Variants in CYP51A1 observed in about 807,000 individuals in gnomAD.
CYP51A1 encodes the protein cytochrome P450 family 51 subfamily A member 1.
In CYP51A1, 45 loss-of-function variants were observed where a neutral mutation model predicts 53.5. That is an observed-to-expected ratio of 0.84 (90% CI 0.66 to 1.08). CYP51A1 has a LOEUF of 1.08. Among genes scored for constraint, CYP51A1 ranks in the 50% least tolerant of loss-of-function variants. The probability of loss-of-function intolerance (pLI) is 0.00; values close to 1 mark genes in which losing one functional copy is unlikely to be tolerated. For synonymous variants in CYP51A1, 181 were observed against 217.7 expected (o/e 0.83, Z 1.48); for missense variants, 462 against 621.7 (o/e 0.74, Z 2.73).
At position 92,131,862 on chromosome 7, in the gene CYP51A1, G is replaced by A. The variant is rs1819927610; in HGVS notation, c.203C>T (p.Pro68Leu). Reference protein sequence around the residue: ...VQLPAGVKSPPYIFSPIPFLG... With the variant: ...VQLPAGVKSPLYIFSPIPFLG... ...GAATGGAATTGGGGAGAAAATGTAT[G>A]GAGGACTTTTCTACAAGAGAAAAAA... The change falls in exon 2 of 10, where the codon CCA becomes CTA. Residue 68 changes from proline to leucine, a missense_variant. By Grantham distance (98) the Pro-to-Leu change is moderately conservative. Coordinates refer to ENST00000003100, the MANE Select transcript of CYP51A1 (RefSeq NM_000786.4). 1.9e-6 allele frequency: 3 copies of A among 1,578,432 alleles called. No homozygotes were observed. The highest frequency in any genetic ancestry group is 2.6e-6 in the Non-Finnish European group (3 of 1,150,078).
chr7:92,127,810 T>C (rs1317845446), intron 3 of CYP51A1, among the ~76,000 whole-genome samples, 179 bp from the exon 4 acceptor site: 1 of 152,222 alleles, frequency 6.6e-6, no homozygotes, highest in Non-Finnish European at 1.5e-5. Flanking sequence ...GAATAGAGTC[T>C]AAATGAATAT....
intron 2 of CYP51A1, 61 bp from the exon 3 acceptor site, chr7:92,129,117 C>A: frequency 9.4e-7 from 1 of 1,069,042 alleles, no homozygotes; most frequent in Non-Finnish European, 1.3e-6. Flanking sequence ...ACGACAGTAA[C>A]TTTTTAAAAT....
chr7:92,128,625 C>T (rs188120095), intron 3 of CYP51A1, among the ~76,000 whole-genome samples: 7 of 152,002 alleles, frequency 4.6e-5, no homozygotes, highest in Admixed American at 3.9e-4. Flanking sequence ...CTGGAATTTA[C>T]AGGTGTGCAC....
intron 3 of CYP51A1, 59 bp downstream of exon 3, chr7:92,128,821 A>C: frequency 7.2e-7 from 1 of 1,381,532 alleles, no homozygotes; most frequent in Non-Finnish European, 1.0e-6. Flanking sequence ...ATGTCTCACT[A>C]TTAGCTATAA....
rs2301559 is a variant in CYP51A1 at position 92,117,413 on chromosome 7, T to C, written c.1183-201A>G. On this transcript the variant is annotated intron_variant, in intron 8 of 9. Transcript: ENST00000003100. Reference sequence around the variant, plus strand: ...ATAAATCAAGAACCATCTGTACATATATTTAAAAACTGGCTAGATAATAGG... The same window carrying C: ...ATAAATCAAGAACCATCTGTACATACATTTAAAAACTGGCTAGATAATAGG... The C allele has an allele frequency of 0.39, 169,814 of 431,970 alleles. 34,268 individuals are homozygous for C. The highest frequency in any genetic ancestry group is 0.46 in the African/African-American group (22,765 of 49,356). 26.8% of individuals were successfully genotyped at this position (431,970 alleles called of 1,614,324 possible). A position where few individuals can be genotyped will look rare whatever the true frequency, so the allele number is the denominator to read the frequency against.
chr7:92,113,433 G>T lies in CYP51A1; in HGVS notation c.*232C>A. ...CCCCCTCAACAATTGTTTCACCAAG[G>T]AACTTCCTGAAAGCACATGTATAAG... On this transcript the variant is annotated 3_prime_UTR_variant, in exon 10 of 10. Transcript: ENST00000003100. 2.4e-6 allele frequency: 1 copy of T among 424,390 alleles called. No individual in the cohort carries two copies. The highest frequency in any genetic ancestry group is 4.1e-6 in the Non-Finnish European group (1 of 241,450). The allele number at this position is 424,390 out of a possible 1,614,324, so 26.3% of individuals were successfully genotyped here.
At chr7:92,131,486 T>G (rs1052545552) in intron 2 of CYP51A1, among the ~76,000 whole-genome samples, 22 of 152,154 alleles carry the variant, frequency 1.4e-4, no homozygotes, top group Admixed American at 9.2e-4. Flanking sequence ...TTAATGACAA[T>G]AAGTGAATAG....
Position 92,118,523 on chromosome 7 carries a change from A to C in CYP51A1, c.1179T>G (p.Pro393=), listed in dbSNP as rs1819623196. The change falls in exon 8 of 10, where the codon CCT becomes CCG. Residue 393 remains proline, a synonymous_variant. Transcript: ENST00000003100. ...IMIMMRMART[P]QTVAGYTIPP... is the part of the protein sequence containing the mutation. ...AAGATGTAGCCAAGATACTCACCTGAGGAGTTCTGGCCATTCTCATCATGA... is the reference window on the plus strand; with the variant it reads ...AAGATGTAGCCAAGATACTCACCTGCGGAGTTCTGGCCATTCTCATCATGA... 1 of 1,538,760 alleles carries C rather than the reference A, an allele frequency of 6.5e-7. No individual in the cohort carries two copies. The highest frequency in any genetic ancestry group is 1.4e-5 in the African/African-American group (1 of 73,364).
At position 92,123,807 on chromosome 7, in the gene CYP51A1, C is replaced by G. The variant is rs1475710671; in HGVS notation, c.817G>C (p.Ala273Pro). Residue 273 changes from alanine (A) to proline (P), a missense_variant, in exon 6 of 10, where the codon GCA (alanine) becomes CCA (proline). By Grantham distance (27) the Ala-to-Pro change is conservative. Transcript: ENST00000003100. The stretch of plus-strand genomic sequence containing the variant: ...TGAGACTGTCTGCGTTTCTGGATTG[C>G]CTTATAGAAAATATCCTTGATTTCC... ...HREIKDIFYKAIQKRRQSQEK... is the reference protein window; with the variant it reads ...HREIKDIFYKPIQKRRQSQEK... 2 of 1,608,938 alleles carry G rather than the reference C, an allele frequency of 1.2e-6. No individual in the cohort carries two copies. Among genetic ancestry groups the G allele is most frequent in the African/African-American group, 1.3e-5 (1 of 74,772 alleles).
rs1584635034 is a variant in CYP51A1, at chr7:92,124,929, G to C, written c.771-1076C>G. 3.9e-5 allele frequency among the ~76,000 whole-genome samples: 6 copies of C among 152,240 alleles called. No homozygotes were observed. The South Asian group carries it at 1.2e-3, about 32-fold the overall frequency. ...GAGGCCGAGGCGGGCGGATCACAAG[G>C]TCGGGAGATCAAGACCATCCTGGCT... On this transcript the variant is annotated intron_variant, in intron 5 of 9. Coordinates refer to ENST00000003100, the MANE Select transcript of CYP51A1 (RefSeq NM_000786.4).
intron 8 of CYP51A1, among the ~76,000 whole-genome samples, chr7:92,117,859 G>A (rs1221469621): frequency 1.3e-5 from 2 of 151,916 alleles, no homozygotes; most frequent in Non-Finnish European, 2.9e-5. Flanking sequence ...ATGGTGGCAT[G>A]CCCCTGTAAT....
intron 8 of CYP51A1, 107 bp from the exon 9 acceptor site, chr7:92,117,319 CCTTGA>C (rs1819598820): frequency 1.1e-6 from 1 of 911,232 alleles, no homozygotes. Context: ...CTCAGATGCT[CCTTGA>C]CTTATGATAG....
intron 2 of CYP51A1, among the ~76,000 whole-genome samples, chr7:92,129,659 G>A (rs1819878809): frequency 6.6e-6 from 1 of 151,848 alleles, no homozygotes; most frequent in East Asian, 1.9e-4. Context: ...AGACTCTGGG[G>A]GTATAATCAT....
At chr7:92,117,255 G>A in intron 8 of CYP51A1, 43 bp from the exon 9 acceptor site, 1 of 1,551,992 alleles carries the variant, frequency 6.4e-7, no homozygotes, top group Non-Finnish European at 8.8e-7. Context: ...ATTTAAAAAT[G>A]TGCTGACAAA....
At chr7:92,132,753 A>AT (rs1819949279) in intron 1 of CYP51A1, among the ~76,000 whole-genome samples, 1 of 152,244 alleles carries the variant, frequency 6.6e-6, no homozygotes, top group Non-Finnish European at 1.5e-5. Context: ...AGAGCCACTG[A>AT]TTTTAGAGTT....
chr7:92,134,562 T>TAAATAACACTCTGTG, upstream of CYP51A1: 1 of 584,418 alleles, frequency 1.7e-6, no homozygotes, highest in Non-Finnish European at 3.0e-6. Context: ...CCACGCCCCT[T>TAAATAACACTCTGTG]AAATAACACT....
chr7:92,115,458 A>C (rs1819564217), intron 9 of CYP51A1, among the ~76,000 whole-genome samples: 1 of 152,188 alleles, frequency 6.6e-6, no homozygotes, highest in Non-Finnish European at 1.5e-5. Context: ...AATTGGAACA[A>C]TGTAGTTACA....
intron 5 of CYP51A1, 80 bp downstream of exon 5, chr7:92,126,173 T>G (rs1819796119): frequency 2.0e-6 from 2 of 990,762 alleles, no homozygotes; most frequent in African/African-American, 1.7e-5. Flanking sequence ...AATTTTTATC[T>G]TTGTTAAGGC....
rs189739058 is a variant in CYP51A1, at chr7:92,134,470, C to T, written c.-106G>A. On this transcript the variant is annotated 5_prime_UTR_variant, in exon 1 of 10. Transcript: ENST00000003100. ...GTCCACAGGGGGCCTTGCCCCAGGTCTCCTACTAAACCCAGCCCCACCCCT... is the reference window on the plus strand; with the variant it reads ...GTCCACAGGGGGCCTTGCCCCAGGTTTCCTACTAAACCCAGCCCCACCCCT... 74 of 1,268,878 alleles carry T rather than the reference C, an allele frequency of 5.8e-5. No homozygotes were observed. The Admixed American group carries it at 1.7e-3, about 29-fold the overall frequency. 78.6% of individuals were successfully genotyped at this position (1,268,878 alleles called of 1,614,324 possible).
Sources: gnomAD v4.1 joint callset for allele counts (sites outside exome capture counted in the v4.1 genomes callset) on GRCh38, gnomAD v4.1.1 for gene constraint, MANE v1.5 for transcripts, NCBI Gene and HGNC (gene_info 2026-07-23, HGNC 2026-07-21) for gene names.